Variants in DHX35 observed in about 807,000 individuals in gnomAD.
The protein encoded by DHX35 is probable ATP-dependent RNA helicase DHX35.
In DHX35, 84 loss-of-function variants were observed where a neutral mutation model predicts 99.6. The observed-to-expected ratio is 0.84, with a 90% CI of 0.71 to 1.01. The LOEUF is 1.01. Among genes scored for constraint, DHX35 ranks in the 50% least tolerant of loss-of-function variants. The pLI, the probability that DHX35 is intolerant of heterozygous loss-of-function variation, is 0.00. For synonymous variants in DHX35, 331 were observed against 316.2 expected (o/e 1.05, Z -0.50); for missense variants, 852 against 888.5 (o/e 0.96, Z 0.52).
chr20:38,972,781 A>AT, intron 3 of DHX35, 130 bp downstream of exon 3: 1 of 625,418 alleles, frequency 1.6e-6, no homozygotes, highest in Non-Finnish European at 2.8e-6. Flanking sequence ...TCAACTAGAT[A>AT]TTTTTTATTA....
In DHX35 at chr20:39,038,851, C is replaced by T; in HGVS notation, c.*308C>T. On this transcript the variant is annotated 3_prime_UTR_variant, in exon 22 of 22. Coordinates refer to ENST00000252011, the MANE Select transcript of DHX35 (RefSeq NM_021931.4). ...TTCCAGCAGGCATGCAGTCCTGGCC[C>T]AGCTCTATGGGAAACAAGGAGGAAA... 1 of 432,642 alleles carries T rather than the reference C, an allele frequency of 2.3e-6. No individual in the cohort carries two copies. The highest frequency in any genetic ancestry group is 2.9e-5 in the South Asian group (1 of 34,084). 26.8% of individuals were successfully genotyped at this position (432,642 alleles called of 1,614,324 possible). A position where few individuals can be genotyped will look rare whatever the true frequency, so the allele number is the denominator to read the frequency against.
chr20:38,994,204 A>G (rs955944150), intron 7 of DHX35, among the ~76,000 whole-genome samples: 2 of 152,214 alleles, frequency 1.3e-5, no homozygotes, highest in African/African-American at 4.8e-5. Flanking sequence ...CGGTATAATA[A>G]GAGGGCCGAT....
intron 19 of DHX35, 76 bp downstream of exon 19, chr20:39,028,575 C>A: frequency 6.8e-7 from 1 of 1,462,926 alleles, no homozygotes; most frequent in Non-Finnish European, 9.6e-7. Context: ...GAAAGCTGTG[C>A]AGAGATAGTA....
intron 2 of DHX35, among the ~76,000 whole-genome samples, chr20:38,970,836 A>T (rs1336080213): frequency 6.6e-6 from 1 of 150,572 alleles, no homozygotes; most frequent in Non-Finnish European, 1.5e-5. Flanking sequence ...ACATAAATGA[A>T]ACAGCAAATG....
chr20:39,034,240 T>G lies in DHX35; in HGVS notation c.1990T>G (p.Tyr664Asp). The G allele has an allele frequency of 6.2e-7, 1 of 1,614,194 alleles. No homozygotes were observed. Among genetic ancestry groups the G allele is most frequent in the Non-Finnish European group, 8.5e-7 (1 of 1,180,042 alleles). ...IYNEVIQTSK[Y>D]YMRDVTAIES... ...TAACGAAGTTATACAGACCTCCAAG[T>G]ACTACATGAGAGATGTGACTGCCAT... Residue 664 changes from tyrosine to aspartate, a missense_variant, in exon 21 of 22, where the codon TAC (tyrosine) becomes GAC (aspartate). Transcript: ENST00000252011.
Position 39,001,792 on chromosome 20 carries a change from C to T in DHX35, c.705C>T (p.Ile235=). Residue 235 remains isoleucine (I), a synonymous_variant, in exon 9 of 22, where the codon ATC becomes ATT. Coordinates refer to ENST00000252011, the MANE Select transcript of DHX35 (RefSeq NM_021931.4). ...TSDPARDTCV[I]LTVEGRTFPV... is the part of the protein sequence containing the mutation. ...ATCCAGCAAGGGATACATGTGTGAT[C>T]CTTACAGTGGAAGGGAGAACATTTC... is the stretch of plus-strand genomic sequence containing the variant. 2 of 1,613,710 alleles carry T rather than the reference C, an allele frequency of 1.2e-6. No homozygotes were observed. Among genetic ancestry groups the T allele is most frequent in the African/African-American group, 2.7e-5 (2 of 74,998 alleles).
chr20:39,031,845 A>G (rs2145947395), intron 20 of DHX35, among the ~76,000 whole-genome samples: 1 of 152,322 alleles, frequency 6.6e-6, no homozygotes, highest in South Asian at 2.1e-4. Flanking sequence ...TAGGTAGAGA[A>G]GTAGCAGGGG....
intron 1 of DHX35, among the ~76,000 whole-genome samples, chr20:38,967,400 G>A (rs1293377052): frequency 1.3e-5 from 2 of 152,172 alleles, no homozygotes; most frequent in Non-Finnish European, 2.9e-5. Context: ...GTTTGATCTA[G>A]GGAGGATTTT....
chr20:39,017,469 T>A (rs2086804622), intron 14 of DHX35, among the ~76,000 whole-genome samples: 3 of 152,140 alleles, frequency 2.0e-5, no homozygotes, highest in Admixed American at 6.5e-5. Context: ...TTTGGGCTGG[T>A]TTTTCTCCAG....
At chr20:39,004,695 G>T (rs66681575) in intron 11 of DHX35, among the ~76,000 whole-genome samples, 51,000 of 152,098 alleles carry the variant, frequency 0.34, 8,677 homozygotes, top group Middle Eastern at 0.52. Flanking sequence ...GTTTGAAGGA[G>T]CTGGCAGGCA....
rs984482693 is a variant in DHX35 at position 38,988,579 on chromosome 20, G to A, written c.346-234G>A. 6.6e-5 allele frequency among the ~76,000 whole-genome samples: 10 copies of A among 152,262 alleles called. 1 individual carries two copies. The highest frequency in any genetic ancestry group is 4.6e-4 in the Admixed American group (7 of 15,294). ...TGGGAGGTGGAGGTTGCAGTGAGCC[G>A]AGATTGTGCCACTGCCCTCCAGCCT... On this transcript the variant is annotated intron_variant, in intron 4 of 21. Transcript: ENST00000252011.
At chr20:39,005,901 A>C (rs2086608143) in intron 11 of DHX35, among the ~76,000 whole-genome samples, 1 of 152,098 alleles carries the variant, frequency 6.6e-6, no homozygotes, top group Non-Finnish European at 1.5e-5. Flanking sequence ...GAGGTGGTAA[A>C]TCTTATTATG....
At chr20:38,967,501 G>A (rs1411640862) in intron 1 of DHX35, among the ~76,000 whole-genome samples, 1 of 152,212 alleles carries the variant, frequency 6.6e-6, no homozygotes, top group Non-Finnish European at 1.5e-5. Context: ...TGAACCCTGT[G>A]TCATTTACTT....
intron 16 of DHX35, 29 bp from the exon 17 acceptor site, chr20:39,023,661 A>G: frequency 6.2e-7 from 1 of 1,610,182 alleles, no homozygotes; most frequent in Non-Finnish European, 8.5e-7. Context: ...CAAAGAGTGA[A>G]ATTCTGAATG....
intron 3 of DHX35, among the ~76,000 whole-genome samples, chr20:38,974,459 C>T (rs1008612595): frequency 2.0e-5 from 3 of 152,182 alleles, no homozygotes; most frequent in Non-Finnish European, 4.4e-5. Context: ...TGACTGATCA[C>T]GACTTGCTGC....
intron 11 of DHX35, among the ~76,000 whole-genome samples, chr20:39,005,231 C>G (rs1050661904): frequency 6.6e-6 from 1 of 152,060 alleles, no homozygotes; most frequent in Non-Finnish European, 1.5e-5. Context: ...CTACTTAAAC[C>G]CTTCAGGGGC....
At chr20:39,028,769 C>T (rs958780094) in intron 19 of DHX35, among the ~76,000 whole-genome samples, 3 of 152,190 alleles carry the variant, frequency 2.0e-5, no homozygotes, top group African/African-American at 7.2e-5. Context: ...TATTTCAATT[C>T]TAATGACAGA....
intron 4 of DHX35, 50 bp from the exon 5 acceptor site, chr20:38,988,763 G>C: frequency 6.2e-7 from 1 of 1,610,682 alleles, no homozygotes; most frequent in Non-Finnish European, 8.5e-7. Flanking sequence ...TATGTGCGCT[G>C]TGCAGTAATT....
At chr20:38,981,405 G>T (rs150145541) in intron 3 of DHX35, among the ~76,000 whole-genome samples, 1 of 152,134 alleles carries the variant, frequency 6.6e-6, no homozygotes, top group East Asian at 1.9e-4. Flanking sequence ...TATCAATATG[G>T]ATTCATAGAT....
Sources: allele counts gnomAD v4.1 joint callset (sites outside exome capture counted in the v4.1 genomes callset), GRCh38; gene constraint gnomAD v4.1.1; transcripts MANE v1.5; gene names NCBI Gene and HGNC (gene_info 2026-07-23, HGNC 2026-07-21).